Variants in HSD17B12 observed in about 807,000 individuals in gnomAD.
HSD17B12 encodes hydroxysteroid 17-beta dehydrogenase 12.
A neutral mutation model predicts 39.3 loss-of-function variants in HSD17B12; 32 were observed. That is an observed-to-expected ratio of 0.81 (90% CI 0.61 to 1.09). The LOEUF (loss-of-function observed/expected upper bound fraction) is 1.09. Among genes scored for constraint, HSD17B12 ranks in the 50% least tolerant of loss-of-function variants. The probability of loss-of-function intolerance (pLI) is 0.00; values close to 1 mark genes in which losing one functional copy is unlikely to be tolerated. For synonymous variants in HSD17B12, 150 were observed against 146.7 expected (o/e 1.02, Z -0.16); for missense variants, 342 against 382.9 (o/e 0.89, Z 0.89).
intron 3 of HSD17B12, among the ~76,000 whole-genome samples, chr11:43,784,828 C>A (rs117431391): frequency 0.012 from 1,809 of 152,264 alleles, 21 homozygotes; most frequent in South Asian, 0.02. Flanking sequence ...TTATCATGTT[C>A]TAAGCAGGTT....
In HSD17B12 at chr11:43,754,129, C is replaced by A. The variant is rs1247255865; in HGVS notation, c.283+8C>A. 2 of 1,587,602 alleles carry A rather than the reference C, an allele frequency of 1.3e-6. 1 individual carries two copies. The highest frequency in any genetic ancestry group is 2.2e-5 in the South Asian group (2 of 89,870). Reference sequence around the variant, plus strand: ...AGGTTTCCAGTGAAATAAGTAAGTTCTCACATCAAACAAAAGGAATACATA... The same window carrying A: ...AGGTTTCCAGTGAAATAAGTAAGTTATCACATCAAACAAAAGGAATACATA... On this transcript the variant is annotated splice_region_variant and intron_variant, in intron 3 of 10. Transcript: ENST00000278353.
intron 3 of HSD17B12, among the ~76,000 whole-genome samples, chr11:43,769,107 T>G (rs1014567026): frequency 6.6e-5 from 10 of 152,174 alleles, no homozygotes; most frequent in Non-Finnish European, 4.4e-5. Flanking sequence ...TCCTGGCTGA[T>G]TTTTGTATTT....
intron 3 of HSD17B12, among the ~76,000 whole-genome samples, chr11:43,789,773 A>C (rs1240471676): frequency 6.6e-6 from 1 of 151,074 alleles, no homozygotes; most frequent in African/African-American, 2.4e-5. Context: ...GCATGACAAA[A>C]CCCCCAAAAT....
intron 3 of HSD17B12, among the ~76,000 whole-genome samples, chr11:43,792,273 T>C (rs962906191): frequency 1.3e-5 from 2 of 152,220 alleles, no homozygotes; most frequent in African/African-American, 4.8e-5. Context: ...TACAAAAGAC[T>C]TGTCTTGCAT....
intron 1 of HSD17B12, among the ~76,000 whole-genome samples, chr11:43,707,498 T>C (rs923673404): frequency 1.3e-5 from 2 of 152,222 alleles, no homozygotes; most frequent in African/African-American, 2.4e-5. Context: ...AACTTTGTAC[T>C]AATTTATCCC....
Position 43,810,370 on chromosome 11 carries a change from TATATATATATA to T in HSD17B12, c.392-5066_392-5056del, listed in dbSNP as rs759799577. ...TTAAAGCAGTATAATTTAGAAATTA[TATATATATATA>T]TATATATATATATATATATATAAAA... On this transcript the variant is annotated intron_variant, in intron 4 of 10. Coordinates refer to ENST00000278353, the MANE Select transcript of HSD17B12 (RefSeq NM_016142.3). 3.8e-3 allele frequency among the ~76,000 whole-genome samples: 396 copies of T among 104,818 alleles called. 1 individual carries two copies. The highest frequency in any genetic ancestry group is 0.015 in the Middle Eastern group (3 of 196). 68.8% of individuals were successfully genotyped at this position (104,818 alleles called of 152,430 possible).
the HSD17B12 span, among the ~76,000 whole-genome samples, chr11:43,651,157 G>A: frequency 6.6e-5 from 10 of 152,212 alleles, no homozygotes; most frequent in African/African-American, 9.6e-5. Flanking sequence ...TGTAAAACAC[G>A]TTGGAATGAA....
chr11:43,671,423 C>G, the HSD17B12 span, among the ~76,000 whole-genome samples: 4 of 152,212 alleles, frequency 2.6e-5, no homozygotes, highest in African/African-American at 9.6e-5. Context: ...TCAGGTAATC[C>G]GCCAATTTTG....
At chr11:43,647,842 A>G in the HSD17B12 span, among the ~76,000 whole-genome samples, 1 of 151,956 alleles carries the variant, frequency 6.6e-6, no homozygotes, top group East Asian at 1.9e-4. Context: ...TATTTTTAAA[A>G]CTTCTATGCT....
At chr11:43,721,091 G>A (rs772462421) in intron 1 of HSD17B12, among the ~76,000 whole-genome samples, 55 of 151,762 alleles carry the variant, frequency 3.6e-4, no homozygotes, top group Admixed American at 3.0e-3. Flanking sequence ...GGAATATGGT[G>A]ATGAGCAAGA....
the HSD17B12 span, among the ~76,000 whole-genome samples, chr11:43,622,169 G>A: frequency 6.6e-6 from 1 of 152,176 alleles, no homozygotes. Flanking sequence ...ATTCAAGAGG[G>A]TAATATAGAG....
At chr11:43,621,361 T>C in the HSD17B12 span, among the ~76,000 whole-genome samples, 1 of 152,142 alleles carries the variant, frequency 6.6e-6, no homozygotes, top group African/African-American at 2.4e-5. Context: ...TACCAGACAT[T>C]GAACCCCTCT....
At chr11:43,558,477 A>AT in the HSD17B12 span, among the ~76,000 whole-genome samples, 1 of 151,364 alleles carries the variant, frequency 6.6e-6, no homozygotes, top group South Asian at 2.1e-4. Context: ...AGTACTGTAC[A>AT]TTTTTTTCCC....
intron 3 of HSD17B12, among the ~76,000 whole-genome samples, chr11:43,774,610 A>C (rs146754122): frequency 1.2e-4 from 19 of 152,314 alleles, no homozygotes; most frequent in African/African-American, 4.6e-4. Context: ...ATCTTTATCA[A>C]GTCATTATTT....
chr11:43,616,987 A>AG, the HSD17B12 span, among the ~76,000 whole-genome samples: 8 of 151,546 alleles, frequency 5.3e-5, no homozygotes, highest in South Asian at 8.3e-4. Flanking sequence ...AAAAAAAAAA[A>AG]AAAAAGAAAA....
the HSD17B12 span, among the ~76,000 whole-genome samples, chr11:43,639,050 G>A: frequency 1.9e-3 from 296 of 152,172 alleles, 4 homozygotes; most frequent in Admixed American, 0.014. Flanking sequence ...CAGCCCTGAG[G>A]GTGAATCAAA....
chr11:43,616,429 A>C, the HSD17B12 span, among the ~76,000 whole-genome samples: 2 of 150,550 alleles, frequency 1.3e-5, no homozygotes, highest in Admixed American at 1.3e-4. Flanking sequence ...AAAAAACAAA[A>C]AAAAAACAAA....
the HSD17B12 span, chr11:43,581,245 A>T: frequency 2.2e-6 from 1 of 447,960 alleles, no homozygotes; most frequent in Non-Finnish European, 4.6e-6. This position sits in a 1 kb window ranked among gnomAD's most constrained non-coding sequence, Gnocchi z 4.9. Flanking sequence ...TGGAGACACG[A>T]GTCCAGGGGC....
the HSD17B12 span, among the ~76,000 whole-genome samples, chr11:43,585,153 A>G: frequency 1.3e-5 from 2 of 152,158 alleles, no homozygotes; most frequent in Admixed American, 6.5e-5. Flanking sequence ...CCTAGGATGC[A>G]TGGGAGAAAT....
Sources: allele counts gnomAD v4.1 joint callset (sites outside exome capture counted in the v4.1 genomes callset), GRCh38; gene constraint gnomAD v4.1.1; non-coding constraint Gnocchi (gnomAD v3.1); transcripts MANE v1.5; gene names NCBI Gene and HGNC (gene_info 2026-07-23, HGNC 2026-07-21).